The following MTOR variants were observed in gnomAD, a reference collection of about 807,000 sequenced individuals.
The protein encoded by MTOR is mechanistic target of rapamycin kinase, also known as serine/threonine-protein kinase mTOR.
MTOR carries 70 observed loss-of-function variants against 319.8 expected under a neutral mutation model. That is an observed-to-expected ratio of 0.22 (90% CI 0.18 to 0.27). MTOR has a LOEUF of 0.27. MTOR is among the 10% of genes least tolerant of loss of function. The pLI is 1.00. For missense variants in MTOR, 1,890 were observed against 3,274.4 expected (o/e 0.58, Z 10.32); for synonymous variants, 1,183 against 1,211.4 (o/e 0.98, Z 0.49).
chr1:11,223,620 G>T (rs975081825), intron 19 of MTOR, among the ~76,000 whole-genome samples: 6 of 151,994 alleles, frequency 3.9e-5, no homozygotes, highest in Non-Finnish European at 8.8e-5. Flanking sequence ...ATTAAAGGTG[G>T]CCAATGAGTG....
At position 11,210,889 on chromosome 1, in the gene MTOR, T is replaced by C; in HGVS notation, c.3579A>G (p.Pro1193=). Residue 1193 remains proline (P), a synonymous_variant, in exon 24 of 58, where the codon CCA becomes CCG. Coordinates refer to ENST00000361445, the MANE Select transcript of MTOR (RefSeq NM_004958.4). ...GTCGCACCAGAACTTTATTCACCAT[T>C]GGAATGAAAATTTGGTACTAAAACA... The part of the protein sequence containing the change: ...QLGKKYQIFI[P]MVNKVLVRHR... 1 of 1,613,312 alleles carries C rather than the reference T, an allele frequency of 6.2e-7. No homozygotes were observed. Among genetic ancestry groups the C allele is most frequent in the Non-Finnish European group, 8.5e-7 (1 of 1,179,484 alleles).
intron 1 of MTOR, among the ~76,000 whole-genome samples, chr1:11,260,295 C>T (rs1054631102): frequency 1.3e-5 from 2 of 152,216 alleles, no homozygotes; most frequent in Admixed American, 1.3e-4. Context: ...GTAATCCCGG[C>T]ACTTTGGGAG....
chr1:11,240,147 T>C (rs1343845237), intron 11 of MTOR, among the ~76,000 whole-genome samples, 156 bp downstream of exon 11: 1 of 152,178 alleles, frequency 6.6e-6, no homozygotes, highest in African/African-American at 2.4e-5. Flanking sequence ...GAATTACCAA[T>C]ACGTGGAAAG....
chr1:11,162,260 T>C (rs926071333), intron 29 of MTOR, among the ~76,000 whole-genome samples: 1 of 152,134 alleles, frequency 6.6e-6, no homozygotes, highest in African/African-American at 2.4e-5. Flanking sequence ...AAACAAAGCC[T>C]CCAAGAAATA....
chr1:11,177,847 A>G (rs1422093987), intron 28 of MTOR, among the ~76,000 whole-genome samples: 1 of 152,204 alleles, frequency 6.6e-6, no homozygotes, highest in Non-Finnish European at 1.5e-5. Flanking sequence ...ACCACTTTTT[A>G]AAAAGAAAAA....
At chr1:11,208,454 T>C (rs1646209552) in intron 25 of MTOR, among the ~76,000 whole-genome samples, 1 of 152,270 alleles carries the variant, frequency 6.6e-6, no homozygotes, top group African/African-American at 2.4e-5. Context: ...CCAAAAGAAG[T>C]GAACGAGTCA....
chr1:11,125,491 G>C (rs140831109), intron 46 of MTOR, among the ~76,000 whole-genome samples: 4 of 150,300 alleles, frequency 2.7e-5, no homozygotes, highest in African/African-American at 9.8e-5. Context: ...AACATTGTGG[G>C]AGGCCAAGCT....
chr1:11,254,073 C>A (rs1036424857), intron 5 of MTOR, 100 bp from the exon 6 acceptor site: 2 of 1,401,680 alleles, frequency 1.4e-6, no homozygotes, highest in African/African-American at 1.4e-5. Context: ...GGTGCTACCA[C>A]GCCTGCTCAG....
At chr1:11,220,085 A>G (rs1405946006) in intron 19 of MTOR, among the ~76,000 whole-genome samples, 1 of 149,890 alleles carries the variant, frequency 6.7e-6, no homozygotes, top group Admixed American at 6.7e-5. Flanking sequence ...ATAGAAGGGT[A>G]TAAGGACAAA....
At chr1:11,160,082 T>TTATTTATC (rs1458939196) in intron 29 of MTOR, among the ~76,000 whole-genome samples, 1 of 146,638 alleles carries the variant, frequency 6.8e-6, no homozygotes, top group African/African-American at 2.6e-5. Flanking sequence ...TAGCATTTAT[T>TTATTTATC]TATTTATTTA....
chr1:11,250,436 C>T (rs927612377), intron 6 of MTOR, among the ~76,000 whole-genome samples: 20 of 152,198 alleles, frequency 1.3e-4, no homozygotes, highest in Admixed American at 6.5e-5. Context: ...TTATCTGCAG[C>T]ATTTCATCCA....
chr1:11,128,576 T>C lies in MTOR; in HGVS notation c.5812-24A>G. 1 of 1,600,120 alleles carries C rather than the reference T, an allele frequency of 6.2e-7. No individual in the cohort carries two copies. Among genetic ancestry groups the C allele is most frequent in the Non-Finnish European group, 8.6e-7 (1 of 1,167,312 alleles). ...ACCTGGTATTCAAAAAGACACAGTA[T>C]GTAGCATATGAGACTTGAAACAACT... On this transcript the variant is annotated intron_variant, in intron 41 of 57. Coordinates refer to ENST00000361445, the MANE Select transcript of MTOR (RefSeq NM_004958.4). The surrounding 1 kb of genome is among the most constrained non-coding windows in gnomAD (Gnocchi z 5.3).
At chr1:11,247,553 T>G (rs1649012041) in intron 8 of MTOR, 72 bp downstream of exon 8, 1 of 1,346,630 alleles carries the variant, frequency 7.4e-7, no homozygotes, top group African/African-American at 1.4e-5. Flanking sequence ...AAAAGATATT[T>G]GGCTTTTCTG....
At chr1:11,258,370 G>A in intron 3 of MTOR, 115 bp downstream of exon 3, 3 of 727,958 alleles carry the variant, frequency 4.1e-6, no homozygotes, top group Non-Finnish European at 4.6e-6. Flanking sequence ...AAAGCCACGG[G>A]CTTCTTAAAT....
rs2100909893 is a variant in MTOR, at chr1:11,240,430, G to A, written c.1659C>T (p.Arg553=). ...LSLVLMHKPL[R]HPGMPKGLAH... ...CCAGGCCCTTGGGCATGCCTGGGTG[G>A]CGAAGGGGTTTGTGCATAAGGACCA... Residue 553 remains arginine (R), a synonymous_variant, in exon 11 of 58, where the codon CGC becomes CGT. Transcript: ENST00000361445. The A allele has an allele frequency of 6.2e-7, 1 of 1,614,270 alleles. No individual in the cohort carries two copies. The highest frequency in any genetic ancestry group is 8.5e-7 in the Non-Finnish European group (1 of 1,180,044).
At position 11,207,753 on chromosome 1, in the gene MTOR, G is replaced by T. The variant is rs928264729; in HGVS notation, c.3801+1559C>A. On this transcript the variant is annotated intron_variant, in intron 25 of 57. Coordinates refer to ENST00000361445, the MANE Select transcript of MTOR (RefSeq NM_004958.4). Reference sequence around the variant, plus strand: ...TCAAGTGATTCTTCCATTTTGGCCTGCCAAATTACTGAGATTACAGGCATG... The same window carrying T: ...TCAAGTGATTCTTCCATTTTGGCCTTCCAAATTACTGAGATTACAGGCATG... Among the ~76,000 whole-genome samples, 11 of 151,500 alleles carry T rather than the reference G, an allele frequency of 7.3e-5. No individual in the cohort carries two copies. In the South Asian group the frequency reaches 1.9e-3, roughly 26 times the overall value.
At chr1:11,194,611 G>C in intron 28 of MTOR, 1 of 1,614,182 alleles carries the variant, frequency 6.2e-7, no homozygotes, top group Non-Finnish European at 8.5e-7. Flanking sequence ...CAGCACCAAG[G>C]ACAAGGACAA....
chr1:11,154,000 T>C (rs1269991990), intron 30 of MTOR, among the ~76,000 whole-genome samples: 1 of 123,252 alleles, frequency 8.1e-6, no homozygotes, highest in Non-Finnish European at 1.6e-5. Context: ...CCCTGGGAGG[T>C]GAAGGTTGCA....
chr1:11,187,061 T>C (rs987648454), intron 28 of MTOR, among the ~76,000 whole-genome samples: 1 of 152,206 alleles, frequency 6.6e-6, no homozygotes, highest in Admixed American at 6.5e-5. Flanking sequence ...GGGGTACAAA[T>C]ATGAATGATT....
Sources: gnomAD v4.1 joint callset for allele counts (sites outside exome capture counted in the v4.1 genomes callset) on GRCh38, gnomAD v4.1.1 for gene constraint, Gnocchi (gnomAD v3.1) non-coding constraint, MANE v1.5 for transcripts, NCBI Gene and HGNC (gene_info 2026-07-23, HGNC 2026-07-21) for gene names.